Variants in DSCAM observed in about 807,000 individuals in gnomAD.
DSCAM encodes the protein cell adhesion molecule DSCAM.
In DSCAM, 47 loss-of-function variants were observed where a neutral mutation model predicts 217.7. The ratio of observed to expected loss-of-function variants is 0.22; its 90% confidence interval spans 0.17 to 0.28. DSCAM has a LOEUF of 0.28. Ranked by LOEUF, DSCAM falls within the 10% of genes least tolerant of loss-of-function variation. The pLI is 1.00. For synonymous variants in DSCAM, 1,056 were observed against 1,015.3 expected, an observed-to-expected ratio of 1.04 and a Z score of -0.76; for missense variants, 2,080 against 2,618.3, an observed-to-expected ratio of 0.79 and a Z score of 4.49.
rs61675667 is a variant in DSCAM, at chr21:40,097,954, A to AAAAGAAAGAAAGAAAG, written c.3697-4096_3697-4081dup. Among the ~76,000 whole-genome samples, 314 of 51,496 alleles carry AAAAGAAAGAAAGAAAG rather than the reference A, an allele frequency of 6.1e-3. 7 individuals carry two copies. The highest frequency in any genetic ancestry group is 9.3e-3 in the Non-Finnish European group (261 of 28,106). The allele number at this position is 51,496 out of a possible 152,430, so 33.8% of individuals were successfully genotyped here. A position where few individuals can be genotyped will look rare whatever the true frequency, so the allele number is the denominator to read the frequency against. ...AGACTCTGTCTCAAAAAAAAAAAAA[A>AAAAGAAAGAAAGAAAG]AAAGAAAGAAAGAAAGAAAGAAAGA... On this transcript the variant is annotated intron_variant, in intron 20 of 32. Coordinates refer to ENST00000400454, the MANE Select transcript of DSCAM (RefSeq NM_001389.5).
intron 8 of DSCAM, among the ~76,000 whole-genome samples, chr21:40,332,938 T>C (rs1381152123): frequency 6.6e-6 from 1 of 152,224 alleles, no homozygotes; most frequent in Non-Finnish European, 1.5e-5. Context: ...CTTTCCGCTA[T>C]ATCCAGTATT....
intron 3 of DSCAM, among the ~76,000 whole-genome samples, chr21:40,670,463 G>A (rs536175887): frequency 8.6e-5 from 13 of 151,948 alleles, no homozygotes; most frequent in Admixed American, 3.3e-4. Flanking sequence ...GCTTGAACCC[G>A]GGAGGCGGAG....
intron 8 of DSCAM, among the ~76,000 whole-genome samples, chr21:40,335,354 T>A (rs562117373): frequency 1.6e-4 from 25 of 152,250 alleles, no homozygotes; most frequent in African/African-American, 6.0e-4. Flanking sequence ...GAAGAAAAAA[T>A]TATTCAATAG....
intron 3 of DSCAM, among the ~76,000 whole-genome samples, chr21:40,545,055 T>A (rs1033734777): frequency 3.3e-5 from 5 of 152,148 alleles, no homozygotes; most frequent in African/African-American, 1.2e-4. Flanking sequence ...GAGAGGTGAT[T>A]AGGTCATGAG....
intron 28 of DSCAM, among the ~76,000 whole-genome samples, chr21:40,059,468 A>G (rs2089080272): frequency 1.3e-5 from 2 of 152,180 alleles, no homozygotes; most frequent in African/African-American, 4.8e-5. Context: ...GATATCTAGG[A>G]GCATGAAGCC....
At chr21:40,722,332 T>G (rs1168831751) in intron 1 of DSCAM, among the ~76,000 whole-genome samples, 3 of 152,094 alleles carry the variant, frequency 2.0e-5, no homozygotes, top group African/African-American at 4.8e-5. Context: ...AATAATGCAT[T>G]GTGTGGTTTG....
At chr21:40,554,793 T>C (rs1369991786) in intron 3 of DSCAM, among the ~76,000 whole-genome samples, 1 of 151,648 alleles carries the variant, frequency 6.6e-6, no homozygotes, top group African/African-American at 2.4e-5. Context: ...GTGTAATCTC[T>C]GCTCCCATAA....
intron 3 of DSCAM, among the ~76,000 whole-genome samples, chr21:40,453,965 C>T (rs898285513): frequency 2.6e-5 from 4 of 152,190 alleles, no homozygotes; most frequent in Admixed American, 1.3e-4. Context: ...CTATTCTACT[C>T]TCCAACAGGG....
rs1283129248 is a variant in DSCAM, at chr21:40,097,957, AGAAAGAAAGAAAG to A, written c.3697-4096_3697-4084del. 6.7e-3 allele frequency among the ~76,000 whole-genome samples: 397 copies of A among 59,028 alleles called. 88 individuals are homozygous for A. Among genetic ancestry groups the A allele is most frequent in the African/African-American group, 0.025 (334 of 13,246 alleles). The allele number at this position is 59,028 out of a possible 152,430, so 38.7% of individuals were successfully genotyped here. A position where few individuals can be genotyped will look rare whatever the true frequency, so the allele number is the denominator to read the frequency against. On this transcript the variant is annotated intron_variant, in intron 20 of 32. Transcript: ENST00000400454. Reference sequence around the variant, plus strand: ...CTCTGTCTCAAAAAAAAAAAAAAAAAGAAAGAAAGAAAGAAAGAAAGAAAGAAAGAAAGAAAGA... The same window carrying A: ...CTCTGTCTCAAAAAAAAAAAAAAAAAAAAGAAAGAAAGAAAGAAAGAAAGA...
chr21:40,423,597 T>C (rs1352742741), intron 3 of DSCAM, among the ~76,000 whole-genome samples: 1 of 152,218 alleles, frequency 6.6e-6, no homozygotes, highest in Non-Finnish European at 1.5e-5. Flanking sequence ...GTACTTCCCT[T>C]TCTTTCCTGT....
chr21:40,585,006 A>G (rs896692612), intron 3 of DSCAM, among the ~76,000 whole-genome samples: 1 of 152,044 alleles, frequency 6.6e-6, no homozygotes, highest in African/African-American at 2.4e-5. Flanking sequence ...GGTTGTTAAA[A>G]AGAGCCTGGC....
intron 14 of DSCAM, among the ~76,000 whole-genome samples, chr21:40,186,320 A>G (rs990839581): frequency 6.6e-6 from 1 of 152,208 alleles, no homozygotes; most frequent in Non-Finnish European, 1.5e-5. Flanking sequence ...AACGTGCGGT[A>G]TCCAGGAAGT....
At chr21:40,710,269 TAC>T (rs1365991495) in intron 1 of DSCAM, among the ~76,000 whole-genome samples, 1 of 145,194 alleles carries the variant, frequency 6.9e-6, no homozygotes, top group Non-Finnish European at 1.5e-5. Flanking sequence ...AAATCAACAA[TAC>T]ACTTTTATTT....
At chr21:40,527,199 A>T (rs1272405514) in intron 3 of DSCAM, among the ~76,000 whole-genome samples, 4 of 152,070 alleles carry the variant, frequency 2.6e-5, no homozygotes, top group Non-Finnish European at 4.4e-5. Context: ...CTTCAGACAA[A>T]ATCTACCCCA....
intron 9 of DSCAM, 104 bp from the exon 10 acceptor site, chr21:40,296,278 G>T: frequency 7.4e-7 from 1 of 1,348,208 alleles, no homozygotes; most frequent in Non-Finnish European, 1.0e-6. Context: ...AAAATATGAA[G>T]ACTGTTTCAT....
At chr21:40,665,363 A>G (rs2090188157) in intron 3 of DSCAM, among the ~76,000 whole-genome samples, 1 of 152,110 alleles carries the variant, frequency 6.6e-6, no homozygotes, top group African/African-American at 2.4e-5. Context: ...AAAATCTCCA[A>G]TCAGGAGCAA....
intron 1 of DSCAM, among the ~76,000 whole-genome samples, chr21:40,818,101 TCAAA>T (rs1569051737): frequency 4.0e-5 from 1 of 25,160 alleles, no homozygotes; most frequent in Non-Finnish European, 6.3e-5. Flanking sequence ...AGACTCCGTC[TCAAA>T]AAAAAAAAAA....
intron 1 of DSCAM, among the ~76,000 whole-genome samples, chr21:40,785,665 G>A (rs2091586997): frequency 6.6e-6 from 1 of 152,170 alleles, no homozygotes; most frequent in African/African-American, 2.4e-5. Context: ...AAAAGACTCG[G>A]TGTCCTGTCG....
chr21:40,542,098 G>T (rs1026074402), intron 3 of DSCAM, among the ~76,000 whole-genome samples: 2 of 152,164 alleles, frequency 1.3e-5, no homozygotes, highest in African/African-American at 2.4e-5. Context: ...TGGCATTTTT[G>T]ATCCACTTCT....
Sources: gnomAD v4.1 joint callset for allele counts (sites outside exome capture counted in the v4.1 genomes callset) on GRCh38, gnomAD v4.1.1 for gene constraint, MANE v1.5 for transcripts, NCBI Gene and HGNC (gene_info 2026-07-23, HGNC 2026-07-21) for gene names.